Variants in KRT84 observed in about 807,000 individuals in gnomAD.
KRT84 encodes the protein keratin, type II cuticular Hb4.
KRT84 carries 38 observed loss-of-function variants against 49.0 expected under a neutral mutation model. That is an observed-to-expected ratio of 0.78 (90% confidence interval 0.60 to 1.02). The LOEUF is 1.02. KRT84 is among the 50% of genes least tolerant of loss of function. The pLI is 0.00. For missense variants in KRT84, 860 were observed against 788.6 expected, an observed-to-expected ratio of 1.09 and a Z score of -1.08; for synonymous variants, 334 against 312.8, an observed-to-expected ratio of 1.07 and a Z score of -0.72.
chr12:52,378,825 C>T (rs1021721840), intron 8 of KRT84, among the ~76,000 whole-genome samples: 1 of 152,212 alleles, frequency 6.6e-6, no homozygotes, highest in African/African-American at 2.4e-5. Flanking sequence ...CAGGAAACCC[C>T]TCCAACACTA....
In KRT84 at chr12:52,383,788, A is replaced by G. The variant is rs1481273546; in HGVS notation, c.557T>C (p.Leu186Pro). The G allele has an allele frequency of 4.3e-6, 7 of 1,612,948 alleles. No homozygotes were observed. Among genetic ancestry groups the G allele is most frequent in the Non-Finnish European group, 5.9e-6 (7 of 1,179,280 alleles). Residue 186 changes from leucine (L) to proline (P), a missense_variant, in exon 2 of 9, where the codon CTA becomes CCA. Coordinates refer to ENST00000257951, the MANE Select transcript of KRT84 (RefSeq NM_033045.4). The stretch of plus-strand genomic sequence containing the variant: ...CTCTAGGAGCTTATTCTGCTGCTCT[A>G]GGAACCGAACCTAAATCCACAGGGC... The part of the protein sequence containing the change: ...FASFIDKVRF[L>P]EQQNKLLETK...
In KRT84 at chr12:52,381,179, G is replaced by T; in HGVS notation, c.1104C>A (p.Gly368=). The T allele has an allele frequency of 6.2e-7, 1 of 1,614,148 alleles. No homozygotes were observed. Residue 368 remains glycine (G), a synonymous_variant, in exon 6 of 9, where the codon GGC becomes GGA. Transcript: ENST00000257951. ...TGTTGCGCAGGTTGTCACAGTGTTG[G>T]CCAGCTGTCACCTGCATCTCTTCAT... ...TKYEEMQVTA[G]QHCDNLRNIR...
rs535588399 is a variant in KRT84, at chr12:52,382,244, A to T, written c.912+193T>A. Among the ~76,000 whole-genome samples the T allele has an allele frequency of 3.9e-5, 6 of 152,332 alleles. No individual in the cohort carries two copies. In the East Asian group the frequency reaches 1.2e-3, roughly 29 times the overall value. ...AGATCCAAGGAGTTTGACTTGCATC[A>T]GGCTGCTGAAAAGCCTGCTCACCTT... On this transcript the variant is annotated intron_variant, in intron 4 of 8. Coordinates refer to ENST00000257951, the MANE Select transcript of KRT84 (RefSeq NM_033045.4).
At chr12:52,382,946 T>A in intron 3 of KRT84, 59 bp downstream of exon 3, 2 of 1,460,266 alleles carry the variant, frequency 1.4e-6, no homozygotes, top group Non-Finnish European at 1.9e-6. Flanking sequence ...TCCTGGGGAG[T>A]CTTGAGAACA....
intron 7 of KRT84, among the ~76,000 whole-genome samples, chr12:52,380,137 A>G (rs574167558): frequency 6.6e-6 from 1 of 152,374 alleles, no homozygotes; most frequent in South Asian, 2.1e-4. Context: ...TAGCAAAATT[A>G]CTAATGATTC....
At position 52,381,355 on chromosome 12, in the gene KRT84, GC is replaced by G. The variant is rs755277724; in HGVS notation, c.1077+5del. On this transcript the variant is annotated splice_donor_5th_base_variant and intron_variant, in intron 5 of 8. Transcript: ENST00000257951. The stretch of plus-strand genomic sequence containing the variant: ...CTACATCCCTTCCCCAGCCTCCACT[GC>G]CCACCTTGGTCTGGTACCAGGCCTC... The G allele has an allele frequency of 1.7e-5, 28 of 1,614,024 alleles. No individual in the cohort carries two copies. The Admixed American group carries it at 4.7e-4, about 27-fold the overall frequency.
At position 52,383,102 on chromosome 12, in the gene KRT84, G is replaced by A. The variant is rs781668574; in HGVS notation, c.756-37C>T. ...GGTTAAGAGGGTGAGTGCTTACTCT[G>A]AACTGAGAGGCAGTTACTCCCAACT... is the stretch of plus-strand genomic sequence containing the variant. On this transcript the variant is annotated intron_variant, in intron 2 of 8. Coordinates refer to ENST00000257951, the MANE Select transcript of KRT84 (RefSeq NM_033045.4). 119 of 1,565,262 alleles carry A rather than the reference G, an allele frequency of 7.6e-5. No homozygotes were observed. The East Asian group carries it at 2.5e-3, about 33-fold the overall frequency.
chr12:52,382,305 C>G (rs968803230), intron 4 of KRT84, 132 bp downstream of exon 4: 4 of 646,244 alleles, frequency 6.2e-6, no homozygotes, highest in Admixed American at 5.0e-5. Flanking sequence ...GCATATATAG[C>G]ATACAGATTT....
At chr12:52,381,031 GGCCC>G in intron 6 of KRT84, 45 bp downstream of exon 6, 1 of 1,600,922 alleles carries the variant, frequency 6.2e-7, no homozygotes, top group Admixed American at 1.7e-5. Context: ...CAAAGCCTGA[GGCCC>G]TGGTTCTCCC....
chr12:52,383,087 G>C (rs751979628), intron 2 of KRT84, 22 bp from the exon 3 acceptor site: 1 of 1,606,568 alleles, frequency 6.2e-7, no homozygotes, highest in Non-Finnish European at 8.5e-7. Context: ...GGTTAAGAGG[G>C]TGAGTGCTTA....
chr12:52,378,018 G>A lies in KRT84; in HGVS notation c.*16C>T. 6.9e-7 allele frequency: 1 copy of A among 1,441,156 alleles called. No homozygotes were observed. Among genetic ancestry groups the A allele is most frequent in the East Asian group, 2.7e-5 (1 of 37,288 alleles). The allele number at this position is 1,441,156 out of a possible 1,614,324, so 89.3% of individuals were successfully genotyped here. ...GCTGGTTCTTCTCTGGGCAGCAGCT[G>A]TCTGGGGCTGGGCTCTCAGTACTTG... On this transcript the variant is annotated 3_prime_UTR_variant, in exon 9 of 9. Coordinates refer to ENST00000257951, the MANE Select transcript of KRT84 (RefSeq NM_033045.4).
intron 1 of KRT84, 59 bp from the exon 2 acceptor site, chr12:52,383,857 C>T: frequency 1.4e-6 from 2 of 1,431,676 alleles, no homozygotes; most frequent in East Asian, 4.6e-5. Context: ...CATGCCTTGA[C>T]CAAGCTCTTG....
At chr12:52,378,443 C>T in intron 8 of KRT84, 63 bp from the exon 9 acceptor site, 2 of 1,321,852 alleles carry the variant, frequency 1.5e-6, no homozygotes, top group Non-Finnish European at 9.9e-7. Flanking sequence ...CCATGCTACC[C>T]CTGGGCTGCA....
At chr12:52,383,296 T>G (rs1939514684) in intron 2 of KRT84, among the ~76,000 whole-genome samples, 1 of 152,206 alleles carries the variant, frequency 6.6e-6, no homozygotes. Flanking sequence ...GTTTGGGATC[T>G]GAAAACCTGG....
In KRT84 at chr12:52,380,375, C is replaced by T. The variant is rs1376325814; in HGVS notation, c.1412G>A (p.Gly471Asp). The change falls in exon 7 of 9, where the codon GGC becomes GAC. Residue 471 changes from glycine (G) to aspartate (D), a missense_variant. Transcript: ENST00000257951. ...EIATYRRLLE[G>D]EESRLCEGVG... is the part of the protein sequence containing the mutation. ...TGAGAGTACTCACCGGCTCTCCTCG[C>T]CCTCCAGCAGGCGCCTGTAGGTGGC... The T allele has an allele frequency of 6.2e-7, 1 of 1,613,864 alleles. No individual in the cohort carries two copies. The highest frequency in any genetic ancestry group is 1.3e-5 in the African/African-American group (1 of 74,942).
intron 1 of KRT84, among the ~76,000 whole-genome samples, 167 bp from the exon 2 acceptor site, chr12:52,383,965 G>A: frequency 6.6e-6 from 1 of 152,232 alleles, no homozygotes. Flanking sequence ...AGGGCAGGTT[G>A]TGACTCCCTC....
At chr12:52,385,676 C>T, upstream of KRT84, 1 of 1,231,506 alleles carries the variant, frequency 8.1e-7, no homozygotes, top group Non-Finnish European at 1.1e-6. Context: ...CCCTTGCACC[C>T]CTTTTATGTG....
chr12:52,385,061 CTTG>C lies in KRT84; in HGVS notation c.522_524del (p.Asn174del), dbSNP rs1339698839. On this transcript the variant is annotated inframe_deletion, in exon 1 of 9. Coordinates refer to ENST00000257951, the MANE Select transcript of KRT84 (RefSeq NM_033045.4). ...GTACCTTGTCAATGAAGGAGGCAAA[CTTG>C]TTGTTGAGGGTCTTGATTTGCTCCT... 6 of 1,607,466 alleles carry C rather than the reference CTTG, an allele frequency of 3.7e-6. No individual in the cohort carries two copies. The highest frequency in any genetic ancestry group is 2.7e-5 in the African/African-American group (2 of 74,688).
chr12:52,382,917 C>A, intron 3 of KRT84, 88 bp downstream of exon 3: 1 of 1,099,512 alleles, frequency 9.1e-7, no homozygotes, highest in South Asian at 1.3e-5. Flanking sequence ...CCAGACTCCA[C>A]AGGGCTGCCT....
Sources: gnomAD v4.1 joint callset for allele counts (sites outside exome capture counted in the v4.1 genomes callset) on GRCh38, gnomAD v4.1.1 for gene constraint, MANE v1.5 for transcripts, NCBI Gene and HGNC (gene_info 2026-07-23, HGNC 2026-07-21) for gene names.